Variants in SEH1L observed in about 807,000 individuals in gnomAD.
SEH1L encodes nucleoporin SEH1.
Under a neutral mutation model 49.5 loss-of-function variants are expected in SEH1L, and 18 were observed. The ratio of observed to expected loss-of-function variants is 0.36; its 90% CI spans 0.25 to 0.54. The LOEUF is 0.54. SEH1L is among the 20% of genes least tolerant of loss of function. SEH1L has a pLI of 0.87. For synonymous variants in SEH1L, 169 were observed against 178.1 expected (o/e 0.95, Z 0.41); for missense variants, 404 against 528.8 (o/e 0.76, Z 2.31).
chr18:12,980,826 C>T (rs1294279687), intron 6 of SEH1L, among the ~76,000 whole-genome samples: 2 of 104,390 alleles, frequency 1.9e-5, no homozygotes, highest in African/African-American at 3.6e-5. Flanking sequence ...GGGGGGCTGA[C>T]CCCCCCACTT....
At chr18:12,952,002 A>T (rs117549164) in intron 2 of SEH1L, 97 bp downstream of exon 2, 12,993 of 637,964 alleles carry the variant, frequency 0.02, 177 homozygotes, top group Non-Finnish European at 0.026. Flanking sequence ...ACATTTATAC[A>T]GTAGTTCTTT....
chr18:12,956,463 AAAAAG>A (rs2030869446), intron 3 of SEH1L, among the ~76,000 whole-genome samples: 1 of 147,674 alleles, frequency 6.8e-6, no homozygotes, highest in Non-Finnish European at 1.5e-5. Context: ...TCAAAAAAAA[AAAAAG>A]AAAAGAACAG....
chr18:12,979,671 G>A (rs1372587385), intron 6 of SEH1L, among the ~76,000 whole-genome samples: 77 of 150,316 alleles, frequency 5.1e-4, no homozygotes, highest in Non-Finnish European at 7.9e-4. Context: ...CTCACCTCCC[G>A]GACGGGGTGG....
chr18:12,986,408 G>A (rs1289489087), intron 8 of SEH1L: 11 of 985,480 alleles, frequency 1.1e-5, no homozygotes, highest in African/African-American at 1.7e-5. Flanking sequence ...CATACTATGT[G>A]TATTCCCAGT....
chr18:12,951,243 C>G (rs1568207834), intron 1 of SEH1L, among the ~76,000 whole-genome samples: 1 of 152,124 alleles, frequency 6.6e-6, no homozygotes, highest in Non-Finnish European at 1.5e-5. Flanking sequence ...TTATTTAGTG[C>G]AATGATTATT....
chr18:12,957,166 G>A (rs950634245), intron 3 of SEH1L, among the ~76,000 whole-genome samples: 7 of 152,088 alleles, frequency 4.6e-5, no homozygotes, highest in South Asian at 2.1e-4. Context: ...GGTGGCTCAC[G>A]CCTATAATCC....
chr18:12,978,784 T>C lies in SEH1L; in HGVS notation c.653T>C (p.Val218Ala), dbSNP rs1323948157. Residue 218 changes from valine to alanine, a missense_variant, in exon 6 of 9, where the codon GTC (valine) becomes GCC (alanine). Around this residue, in one of 3 missense-constraint regions of SEH1L, gnomAD observed 342 missense variants for 430.8 expected, o/e 0.79. Transcript: ENST00000399892. ...GCAAAAGCTGAAACTCTTATGACAGTCACTGATCCTGTTCATGATATTGCA... is the reference window on the plus strand; with the variant it reads ...GCAAAAGCTGAAACTCTTATGACAGCCACTGATCCTGTTCATGATATTGCA... ...KYAKAETLMTVTDPVHDIAFA... is the reference protein window; with the variant it reads ...KYAKAETLMTATDPVHDIAFA... 2 of 1,613,324 alleles carry C rather than the reference T, an allele frequency of 1.2e-6. No individual in the cohort carries two copies. The highest frequency in any genetic ancestry group is 1.7e-5 in the Admixed American group (1 of 59,978).
intron 4 of SEH1L, among the ~76,000 whole-genome samples, chr18:12,965,141 T>A (rs565748022): frequency 4.9e-4 from 74 of 150,224 alleles, no homozygotes; most frequent in African/African-American, 1.7e-3. Context: ...GCCACCTGAG[T>A]AGCTGGGACT....
chr18:12,975,694 A>G, intron 5 of SEH1L: 1 of 985,470 alleles, frequency 1.0e-6, no homozygotes, highest in Non-Finnish European at 1.2e-6. Context: ...GGACTTTTGC[A>G]GGGTCCAGTA....
At chr18:12,955,002 T>C (rs1568210763) in intron 2 of SEH1L, among the ~76,000 whole-genome samples, 1 of 152,234 alleles carries the variant, frequency 6.6e-6, no homozygotes. Flanking sequence ...ATCTACTTTC[T>C]GTCTGTATGG....
Position 12,984,104 on chromosome 18 carries a change from G to T in SEH1L, c.984G>T (p.Gly328=). The T allele has an allele frequency of 6.2e-7, 1 of 1,613,750 alleles. No homozygotes were observed. The highest frequency in any genetic ancestry group is 8.5e-7 in the Non-Finnish European group (1 of 1,179,640). ...ILKGNGSPVN[G]SSQQGTSNPS... ...AAGGTAATGGGAGCCCAGTCAATGG[G>T]AGTTCTCAGCAGGGAACCTCAAATC... Residue 328 remains glycine, a synonymous_variant, in exon 8 of 9, where the codon GGG becomes GGT. Coordinates refer to ENST00000399892, the MANE Select transcript of SEH1L (RefSeq NM_001013437.2).
chr18:12,960,494 A>G (rs1170076239), intron 3 of SEH1L, among the ~76,000 whole-genome samples: 2 of 152,172 alleles, frequency 1.3e-5, no homozygotes, highest in African/African-American at 2.4e-5. Context: ...TCCTTGTCCT[A>G]ATAGCACACT....
chr18:12,949,144 G>A (rs546790600), intron 1 of SEH1L, among the ~76,000 whole-genome samples: 300 of 151,696 alleles, frequency 2.0e-3, no homozygotes, highest in Non-Finnish European at 3.4e-3. Context: ...TGGGATTACA[G>A]GCGTGAGCCA....
chr18:12,969,576 C>T (rs868500006), intron 4 of SEH1L, among the ~76,000 whole-genome samples: 18 of 151,626 alleles, frequency 1.2e-4, no homozygotes, highest in Middle Eastern at 3.4e-3. Flanking sequence ...TAATCCCAGC[C>T]ACTTGGGAGG....
Position 12,987,081 on chromosome 18 carries a change from C to A in SEH1L, c.*24C>A. ...AAAACACTGATTTAACATTGAAAGG[C>A]CTTATTCAAGTGCTTGTAAATGCTT... On this transcript the variant is annotated 3_prime_UTR_variant, in exon 9 of 9. Transcript: ENST00000399892. 6.7e-7 allele frequency: 1 copy of A among 1,495,472 alleles called. No homozygotes were observed. The highest frequency in any genetic ancestry group is 1.2e-5 in the South Asian group (1 of 82,528). 92.6% of individuals were successfully genotyped at this position (1,495,472 alleles called of 1,614,324 possible).
At chr18:12,956,454 CAAA>C (rs10541594) in intron 3 of SEH1L, among the ~76,000 whole-genome samples, 12 of 138,378 alleles carry the variant, frequency 8.7e-5, no homozygotes, top group Non-Finnish European at 7.8e-5. Context: ...TCTGGGGAAT[CAAA>C]AAAAAAAAAA....
intron 6 of SEH1L, among the ~76,000 whole-genome samples, chr18:12,979,572 T>C (rs2032076465): frequency 6.6e-6 from 1 of 152,210 alleles, no homozygotes; most frequent in African/African-American, 2.4e-5. Flanking sequence ...CTGTTCTCAA[T>C]GAGCTGTTGA....
rs769677753 is a variant in SEH1L, at chr18:12,948,236, C to T, written c.111+4C>T. The T allele has an allele frequency of 1.9e-6, 3 of 1,606,740 alleles. No individual in the cohort carries two copies. The highest frequency in any genetic ancestry group is 1.7e-5 in the Admixed American group (1 of 59,654). On this transcript the variant is annotated splice_donor_region_variant and intron_variant, in intron 1 of 8. Transcript: ENST00000399892. ...CTCCAGCGATCAGAGCGTTAAGGTG[C>T]GCGCGGCGCTTGCGGGCGGGGCCGA...
At chr18:12,963,445 A>G in intron 4 of SEH1L, 74 bp downstream of exon 4, 1 of 1,187,192 alleles carries the variant, frequency 8.4e-7, no homozygotes, top group Non-Finnish European at 1.2e-6. Flanking sequence ...ACAATTTGAT[A>G]ATTTATTCTC....
Sources: gnomAD v4.1 joint callset for allele counts (sites outside exome capture counted in the v4.1 genomes callset) on GRCh38, gnomAD v4.1.1 for gene constraint, gnomAD v4.1.1 regional missense constraint, MANE v1.5 for transcripts, NCBI Gene and HGNC (gene_info 2026-07-23, HGNC 2026-07-21) for gene names.